Variants in SNORC observed in about 807,000 individuals in gnomAD.
SNORC encodes the protein protein SNORC.
Under a neutral mutation model 9.7 loss-of-function variants are expected in SNORC, and 11 were observed. The observed-to-expected ratio is 1.14, with a 90% confidence interval of 0.72 to 1.88. SNORC has a LOEUF of 1.88. SNORC is among the 40% of genes most tolerant of loss of function. The pLI is 0.00. For synonymous variants in SNORC, 108 were observed against 88.7 expected (o/e 1.22, Z -1.22); for missense variants, 197 against 173.1 (o/e 1.14, Z -0.77).
chr2:232,875,571 G>C (rs1365289693), intron 1 of SNORC: 2 of 401,392 alleles, frequency 5.0e-6, no homozygotes, highest in Non-Finnish European at 9.9e-6. Flanking sequence ...GATACAGGGC[G>C]GGGGTTATCA....
chr2:232,870,270 C>T (rs948765190), upstream of SNORC: 25 of 1,403,220 alleles, frequency 1.8e-5, no homozygotes, highest in East Asian at 4.0e-4. Context: ...ATGCCTCTTT[C>T]TCACTGCCCT....
downstream of SNORC, chr2:232,877,372 T>C (rs1054753272): frequency 1.1e-5 from 11 of 985,256 alleles, no homozygotes; most frequent in Non-Finnish European, 1.3e-5. Flanking sequence ...ACTTTGATCC[T>C]TTGATCATTT....
At chr2:232,873,453 C>T (rs952290951) in intron 1 of SNORC, among the ~76,000 whole-genome samples, 2 of 152,152 alleles carry the variant, frequency 1.3e-5, no homozygotes, top group African/African-American at 4.8e-5. Flanking sequence ...CCCTGCTGGG[C>T]TGGCCTGGGT....
chr2:232,867,862 G>A (rs1412496935), upstream of SNORC, among the ~76,000 whole-genome samples: 2 of 152,226 alleles, frequency 1.3e-5, no homozygotes, highest in East Asian at 3.8e-4. Flanking sequence ...CTTTCCGCCA[G>A]TGCCCAGCTA....
At chr2:232,867,652 G>A (rs1054236568), upstream of SNORC, among the ~76,000 whole-genome samples, 9 of 152,188 alleles carry the variant, frequency 5.9e-5, no homozygotes, top group East Asian at 5.8e-4. Flanking sequence ...CTTGGCTCAC[G>A]CCTGCCTCGT....
At chr2:232,875,995 G>A (rs1347196595) in exon 2 of SNORC, 8 of 1,554,508 alleles carry the variant, frequency 5.1e-6, no homozygotes, top group Non-Finnish European at 6.9e-6. Context: ...CCGAGCTGCC[G>A]TCGGGAGAAG....
intron 1 of SNORC, among the ~76,000 whole-genome samples, chr2:232,871,191 C>T (rs1018938756): frequency 2.6e-5 from 4 of 152,156 alleles, no homozygotes; most frequent in African/African-American, 9.7e-5. Flanking sequence ...TTCTGGAGGG[C>T]GCCCGTGGAT....
At chr2:232,876,577 G>A, downstream of SNORC, 1 of 1,152,718 alleles carries the variant, frequency 8.7e-7, no homozygotes, top group Non-Finnish European at 1.1e-6. The surrounding 1 kb of genome is among the most constrained non-coding windows in gnomAD (Gnocchi z 6.8). Flanking sequence ...GCCGGGGCGT[G>A]CGTGAGCGCA....
At chr2:232,867,202 G>C (rs1437159716), upstream of SNORC, among the ~76,000 whole-genome samples, 1 of 152,356 alleles carries the variant, frequency 6.6e-6, no homozygotes, top group South Asian at 2.1e-4. Flanking sequence ...TGGTGTTTTT[G>C]TTGGGGAATC....
At position 232,876,384 on chromosome 2, in the gene SNORC, C is replaced by A; in HGVS notation, c.*28C>A. The stretch of plus-strand genomic sequence containing the variant: ...CGAATAAAGGGGCCGCGCCCGGCCG[C>A]GGCGCGACTCGGCTGCACTCCTCAC... On this transcript the variant is annotated 3_prime_UTR_variant, in exon 3 of 3. Coordinates refer to ENST00000331342, the Ensembl canonical transcript of SNORC. The surrounding 1 kb of genome is among the most constrained non-coding windows in gnomAD (Gnocchi z 6.8). 1 of 1,508,918 alleles carries A rather than the reference C, an allele frequency of 6.6e-7. No individual in the cohort carries two copies. 93.5% of individuals were successfully genotyped at this position (1,508,918 alleles called of 1,614,324 possible). A position where few individuals can be genotyped will look rare whatever the true frequency, so the allele number is the denominator to read the frequency against.
chr2:232,875,433 G>A, intron 1 of SNORC: 1 of 372,242 alleles, frequency 2.7e-6, no homozygotes, highest in Non-Finnish European at 5.7e-6. Flanking sequence ...GAGGCCAAGA[G>A]CCGACCTACC....
intron 1 of SNORC, among the ~76,000 whole-genome samples, chr2:232,870,828 C>T (rs1690999354): frequency 6.6e-6 from 1 of 152,190 alleles, no homozygotes. Context: ...AGCTTCCCTG[C>T]TGGTTTCTGC....
At chr2:232,871,556 C>T (rs1359379641) in intron 1 of SNORC, among the ~76,000 whole-genome samples, 3 of 152,144 alleles carry the variant, frequency 2.0e-5, no homozygotes, top group Non-Finnish European at 4.4e-5. Flanking sequence ...TTCTGTGGTC[C>T]GAGCCCCTCC....
upstream of SNORC, chr2:232,870,182 C>T (rs530021154): frequency 2.0e-3 from 1,004 of 514,560 alleles, 3 homozygotes; most frequent in Non-Finnish European, 2.2e-3. Flanking sequence ...GTGGGGGGAG[C>T]GGGGGGGTGG....
At chr2:232,867,494 C>T (rs1559178537), upstream of SNORC, among the ~76,000 whole-genome samples, 1 of 152,166 alleles carries the variant, frequency 6.6e-6, no homozygotes, top group Non-Finnish European at 1.5e-5. Context: ...TTTGTCTGGT[C>T]TAAGTATTTT....
At chr2:232,868,681 A>T (rs1213059828), upstream of SNORC, among the ~76,000 whole-genome samples, 1 of 152,252 alleles carries the variant, frequency 6.6e-6, no homozygotes, top group African/African-American at 2.4e-5. Context: ...TTACTAAGCC[A>T]TTGGTATCCC....
downstream of SNORC, chr2:232,877,268 C>T (rs1034099448): frequency 6.1e-6 from 6 of 985,370 alleles, no homozygotes; most frequent in African/African-American, 1.7e-5. Flanking sequence ...TTTCCCAGCT[C>T]TACTCACCTC....
chr2:232,878,484 CT>C (rs1291779352), downstream of SNORC: 4 of 153,082 alleles, frequency 2.6e-5, no homozygotes, highest in Admixed American at 6.5e-5. Flanking sequence ...TCAAACAGCC[CT>C]TTCTGTTTCT....
At chr2:232,871,413 G>C (rs1212691316) in intron 1 of SNORC, among the ~76,000 whole-genome samples, 1 of 152,208 alleles carries the variant, frequency 6.6e-6, no homozygotes, top group Non-Finnish European at 1.5e-5. Flanking sequence ...TAACCTCTCT[G>C]TGCCTTCTCG....
Sources: gnomAD v4.1 joint callset for allele counts (sites outside exome capture counted in the v4.1 genomes callset) on GRCh38, gnomAD v4.1.1 for gene constraint, Gnocchi (gnomAD v3.1) non-coding constraint, MANE v1.5 for transcripts, NCBI Gene and HGNC (gene_info 2026-07-23, HGNC 2026-07-21) for gene names.